ROR2: variants seen among roughly 807,000 people sequenced by gnomAD.
The protein encoded by ROR2 is ROR family WNT receptor 2, also known as tyrosine-protein kinase transmembrane receptor ROR2.
In ROR2, 33 loss-of-function variants were observed where a neutral mutation model predicts 74.9. The ratio of observed to expected loss-of-function variants is 0.44; its 90% CI spans 0.33 to 0.59. The LOEUF is 0.59. Among genes scored for constraint, ROR2 ranks in the 20% least tolerant of loss-of-function variants. The pLI is 0.02. For missense variants in ROR2, 1,216 were observed against 1,313.8 expected, an observed-to-expected ratio of 0.93 and a Z score of 1.15; for synonymous variants, 586 against 558.7, an observed-to-expected ratio of 1.05 and a Z score of -0.69.
intron 4 of ROR2, among the ~76,000 whole-genome samples, chr9:91,747,419 G>C (rs1776808971): frequency 6.6e-6 from 1 of 152,252 alleles, no homozygotes; most frequent in South Asian, 2.1e-4. Context: ...ACGAGTGGAA[G>C]GCCTGAGTTA....
At chr9:91,914,031 G>A (rs1831060342) in intron 1 of ROR2, among the ~76,000 whole-genome samples, 1 of 152,092 alleles carries the variant, frequency 6.6e-6, no homozygotes, top group South Asian at 2.1e-4. Context: ...TCTCTGGAGA[G>A]TTTCCAGCCA....
intron 1 of ROR2, among the ~76,000 whole-genome samples, chr9:91,874,270 C>A (rs989667404): frequency 6.6e-6 from 1 of 152,178 alleles, no homozygotes; most frequent in Non-Finnish European, 1.5e-5. Flanking sequence ...CCACCTGCAC[C>A]GGTTCAGGAG....
At chr9:91,750,058 T>C (rs1176838199) in intron 4 of ROR2, among the ~76,000 whole-genome samples, 1 of 152,154 alleles carries the variant, frequency 6.6e-6, no homozygotes, top group Non-Finnish European at 1.5e-5. Context: ...TGTGCCACCA[T>C]GCCCAGCTAA....
intron 1 of ROR2, among the ~76,000 whole-genome samples, chr9:91,802,349 T>G (rs1827417265): frequency 6.6e-6 from 1 of 152,118 alleles, no homozygotes; most frequent in Non-Finnish European, 1.5e-5. Context: ...GTGCTGAGAT[T>G]ACAGGCGTGA....
chr9:91,839,832 G>T (rs566351206), intron 1 of ROR2, among the ~76,000 whole-genome samples: 1 of 151,946 alleles, frequency 6.6e-6, no homozygotes, highest in Non-Finnish European at 1.5e-5. Context: ...TTTCTCCACC[G>T]ACACTCCTGA....
At chr9:91,772,896 T>A (rs1826283339) in intron 2 of ROR2, among the ~76,000 whole-genome samples, 1 of 152,194 alleles carries the variant, frequency 6.6e-6, no homozygotes, top group Non-Finnish European at 1.5e-5. Flanking sequence ...ACTGAGAGAA[T>A]CCTACCTTAG....
intron 1 of ROR2, among the ~76,000 whole-genome samples, chr9:91,817,751 A>G (rs1279234751): frequency 6.6e-6 from 1 of 152,162 alleles, no homozygotes; most frequent in Non-Finnish European, 1.5e-5. Context: ...AAAGAAAGTC[A>G]AGGCTGGGTT....
At chr9:91,911,084 G>A (rs1830967593) in intron 1 of ROR2, among the ~76,000 whole-genome samples, 2 of 152,220 alleles carry the variant, frequency 1.3e-5, no homozygotes, top group Admixed American at 1.3e-4. Flanking sequence ...CTGGGACAAA[G>A]GAAGGGATCT....
rs568984976 is a variant in ROR2 at position 91,914,652 on chromosome 9, T to C, written c.97+35215A>G. ...GGCTTTTCCCCAAAACTCCTCTGCC[T>C]GGAAAGGAAGCCCCGCCCCCCTTAC... On this transcript the variant is annotated intron_variant, in intron 1 of 8. Transcript: ENST00000375708. Among the ~76,000 whole-genome samples the C allele has an allele frequency of 9.9e-5, 15 of 152,210 alleles. No homozygotes were observed. The South Asian group carries it at 1.7e-3, about 17-fold the overall frequency.
At chr9:91,868,587 T>C (rs967582229) in intron 1 of ROR2, among the ~76,000 whole-genome samples, 2 of 152,192 alleles carry the variant, frequency 1.3e-5, no homozygotes, top group Non-Finnish European at 2.9e-5. Flanking sequence ...AAAAACACGT[T>C]ATTTATAGAG....
intron 1 of ROR2, among the ~76,000 whole-genome samples, chr9:91,909,242 G>A (rs1830892168): frequency 6.6e-6 from 1 of 152,170 alleles, no homozygotes; most frequent in Non-Finnish European, 1.5e-5. Context: ...GGAGTGGGGT[G>A]CATGATGCAC....
intron 1 of ROR2, among the ~76,000 whole-genome samples, chr9:91,889,053 G>A (rs879915357): frequency 1.4e-4 from 21 of 152,064 alleles, no homozygotes; most frequent in Admixed American, 1.3e-3. Flanking sequence ...AAGAGAGACC[G>A]TGTAATAAAA....
chr9:91,783,167 T>C (rs562462886), intron 1 of ROR2, among the ~76,000 whole-genome samples: 2 of 152,230 alleles, frequency 1.3e-5, no homozygotes, highest in East Asian at 1.9e-4. Context: ...ACCAGTCCCA[T>C]AGGATGAGAG....
chr9:91,799,586 C>T (rs1024047871), intron 1 of ROR2, among the ~76,000 whole-genome samples: 1 of 152,196 alleles, frequency 6.6e-6, no homozygotes, highest in Non-Finnish European at 1.5e-5. Flanking sequence ...GCAGAGCCTG[C>T]CTCTGCCACC....
intron 1 of ROR2, among the ~76,000 whole-genome samples, chr9:91,784,982 T>C (rs1463883780): frequency 6.6e-6 from 1 of 152,196 alleles, no homozygotes; most frequent in African/African-American, 2.4e-5. Context: ...GATGAATGAA[T>C]GAATGAATGA....
intron 1 of ROR2, 76 bp from the exon 2 acceptor site, chr9:91,775,894 A>T: frequency 8.0e-7 from 1 of 1,245,500 alleles, no homozygotes; most frequent in Non-Finnish European, 1.2e-6. Context: ...TTATGCAAAG[A>T]CAACAGCATT....
intron 1 of ROR2, among the ~76,000 whole-genome samples, chr9:91,794,418 G>A (rs566835055): frequency 6.6e-6 from 1 of 152,312 alleles, no homozygotes; most frequent in South Asian, 2.1e-4. Flanking sequence ...GTAAAGCAAG[G>A]TGAGAACCAC....
intron 1 of ROR2, among the ~76,000 whole-genome samples, chr9:91,901,542 G>GTGGT (rs1451793493): frequency 2.0e-5 from 3 of 152,144 alleles, no homozygotes; most frequent in Non-Finnish European, 2.9e-5. Flanking sequence ...TGGGATGGGT[G>GTGGT]TGGTGGCTCA....
At chr9:91,918,088 G>A (rs902325876) in intron 1 of ROR2, among the ~76,000 whole-genome samples, 3 of 152,066 alleles carry the variant, frequency 2.0e-5, no homozygotes, top group African/African-American at 7.2e-5. Flanking sequence ...TGGCTAACAA[G>A]GTGAAACCCC....
Sources: allele counts gnomAD v4.1 joint callset (sites outside exome capture counted in the v4.1 genomes callset), GRCh38; gene constraint gnomAD v4.1.1; transcripts MANE v1.5; gene names NCBI Gene and HGNC (gene_info 2026-07-23, HGNC 2026-07-21).